MYO1B: variants seen among roughly 807,000 people sequenced by gnomAD.
MYO1B encodes unconventional myosin-Ib.
Under a neutral mutation model 159.7 loss-of-function variants are expected in MYO1B, and 72 were observed. The observed-to-expected ratio is 0.45, with a 90% CI of 0.37 to 0.55. The LOEUF (loss-of-function observed/expected upper bound fraction) is 0.55, where lower values mean the gene tolerates loss of function less well. Among genes scored for constraint, MYO1B ranks in the 20% least tolerant of loss-of-function variants. The probability of loss-of-function intolerance (pLI) is 0.00; values close to 1 mark genes in which losing one functional copy is unlikely to be tolerated. For missense variants in MYO1B, 1,062 were observed against 1,364.8 expected (o/e 0.78, Z 3.50); for synonymous variants, 468 against 473.8 (o/e 0.99, Z 0.16).
At chr2:191,398,432 C>T (rs1381533684) in intron 21 of MYO1B, among the ~76,000 whole-genome samples, 2 of 145,174 alleles carry the variant, frequency 1.4e-5, no homozygotes, top group African/African-American at 5.0e-5. Context: ...GACCCCCCCC[C>T]ACCTCCCTCC....
At chr2:191,260,759 TATCTTTAAGAGCCAAGTTATAGA>T (rs140597962) in intron 1 of MYO1B, among the ~76,000 whole-genome samples, 10,248 of 152,232 alleles carry the variant, frequency 0.067, 1,105 homozygotes, top group African/African-American at 0.23. Context: ...TTATTCTTTC[TATCTTTAAGAGCCAAGTTATAGA>T]ATGACATGTG....
chr2:191,272,777 G>A (rs1413430401), intron 1 of MYO1B, among the ~76,000 whole-genome samples: 1 of 151,996 alleles, frequency 6.6e-6, no homozygotes, highest in Non-Finnish European at 1.5e-5. Flanking sequence ...AGATACCACG[G>A]GCCATGGTTT....
At chr2:191,364,300 C>G in intron 11 of MYO1B, 24 bp downstream of exon 11, 1 of 1,552,618 alleles carries the variant, frequency 6.4e-7, no homozygotes, top group African/African-American at 1.4e-5. Context: ...AATGTACAGA[C>G]GAAAGTTTCT....
intron 30 of MYO1B, among the ~76,000 whole-genome samples, chr2:191,419,259 C>T (rs555999224): frequency 1.1e-3 from 165 of 152,068 alleles, no homozygotes; most frequent in Non-Finnish European, 1.5e-3. Flanking sequence ...TGCACTGTTG[C>T]CCAGGCTGGA....
rs1448779938 is a variant in MYO1B, at chr2:191,424,250, T to C, written c.*290T>C. The C allele has an allele frequency of 9.2e-6, 3 of 326,892 alleles. No homozygotes were observed. The highest frequency in any genetic ancestry group is 1.7e-5 in the Non-Finnish European group (3 of 179,382). 20.2% of individuals were successfully genotyped at this position (326,892 alleles called of 1,614,324 possible). On this transcript the variant is annotated 3_prime_UTR_variant, in exon 31 of 31. Coordinates refer to ENST00000392318, the MANE Select transcript of MYO1B (RefSeq NM_001130158.3). ...GTCTGTGTACCCTAAATCAGCATAT[T>C]ACTCATAAATCATTAATTAATATAA...
chr2:191,372,814 A>G (rs561136022), intron 13 of MYO1B, among the ~76,000 whole-genome samples: 1 of 149,058 alleles, frequency 6.7e-6, no homozygotes, highest in Non-Finnish European at 1.5e-5. Context: ...AAGTTATACC[A>G]TCATTTTTCT....
At chr2:191,275,802 T>G (rs1022760272) in intron 1 of MYO1B, among the ~76,000 whole-genome samples, 2 of 152,218 alleles carry the variant, frequency 1.3e-5, no homozygotes, top group Admixed American at 1.3e-4. Context: ...GAATTTAGTT[T>G]TACCATTTTA....
At chr2:191,348,920 C>G (rs1692741967) in intron 6 of MYO1B, among the ~76,000 whole-genome samples, 1 of 152,218 alleles carries the variant, frequency 6.6e-6, no homozygotes, top group African/African-American at 2.4e-5. Flanking sequence ...TTGTTTCCCA[C>G]TCATCCTCAC....
chr2:191,338,579 T>A (rs1692006074), intron 4 of MYO1B, among the ~76,000 whole-genome samples: 1 of 152,088 alleles, frequency 6.6e-6, no homozygotes, highest in Non-Finnish European at 1.5e-5. Context: ...ATTAAAAAGG[T>A]CTCTGAGAGG....
intron 30 of MYO1B, among the ~76,000 whole-genome samples, chr2:191,416,663 A>T (rs1193282006): frequency 6.6e-6 from 1 of 152,068 alleles, no homozygotes; most frequent in Admixed American, 6.5e-5. Flanking sequence ...ATACAAAAAA[A>T]ATTAGCTGGG....
At chr2:191,263,988 T>C (rs1686971840) in intron 1 of MYO1B, among the ~76,000 whole-genome samples, 1 of 152,230 alleles carries the variant, frequency 6.6e-6, no homozygotes, top group African/African-American at 2.4e-5. Context: ...TTGTTCTTCA[T>C]AAATACTTCA....
rs551950059 is a variant in MYO1B, at chr2:191,311,191, A to G, written c.251+14965A>G. ...TATAGATGACTTAGCCTGCTTTCAC[A>G]TAAATTTAACAAGAGAGGAATAAGT... On this transcript the variant is annotated intron_variant, in intron 3 of 30. Coordinates refer to ENST00000392318, the MANE Select transcript of MYO1B (RefSeq NM_001130158.3). Among the ~76,000 whole-genome samples the G allele has an allele frequency of 1.8e-3, 280 of 152,298 alleles. 1 individual carries two copies. Among genetic ancestry groups the G allele is most frequent in the African/African-American group, 6.0e-3 (249 of 41,572 alleles).
intron 1 of MYO1B, among the ~76,000 whole-genome samples, chr2:191,266,885 C>T (rs560496506): frequency 3.2e-4 from 48 of 152,214 alleles, no homozygotes; most frequent in Non-Finnish European, 5.3e-4. Context: ...TCACTTTACA[C>T]AGTTGGGAAA....
At chr2:191,381,211 C>CT (rs1695021709) in intron 13 of MYO1B, 2 of 501,484 alleles carry the variant, frequency 4.0e-6, no homozygotes, top group South Asian at 4.2e-5. Flanking sequence ...GGGTGCTTCT[C>CT]TGTCAACTAA....
At chr2:191,349,593 A>G (rs966462611) in intron 6 of MYO1B, among the ~76,000 whole-genome samples, 1 of 152,238 alleles carries the variant, frequency 6.6e-6, no homozygotes, top group African/African-American at 2.4e-5. Context: ...TGTAAAATGA[A>G]CCTGCGTTAT....
intron 30 of MYO1B, chr2:191,416,656 C>CA (rs1240977463): frequency 5.8e-5 from 9 of 155,320 alleles, no homozygotes; most frequent in Admixed American, 1.3e-4. Flanking sequence ...ACTTAAAATA[C>CA]AAAAAAAATT....
chr2:191,394,460 G>A (rs1475741253), intron 20 of MYO1B, among the ~76,000 whole-genome samples: 5 of 152,208 alleles, frequency 3.3e-5, no homozygotes, highest in African/African-American at 1.2e-4. Flanking sequence ...GGATTCATCT[G>A]TCTTGAATTC....
chr2:191,257,806 G>T (rs1185544586), intron 1 of MYO1B, among the ~76,000 whole-genome samples: 2 of 152,208 alleles, frequency 1.3e-5, no homozygotes, highest in African/African-American at 4.8e-5. Flanking sequence ...GTAAAATCTA[G>T]TGGAGGACAT....
intron 2 of MYO1B, 41 bp from the exon 3 acceptor site, chr2:191,296,070 G>T (rs1357993239): frequency 1.7e-6 from 2 of 1,177,020 alleles, no homozygotes; most frequent in Non-Finnish European, 1.2e-6. Flanking sequence ...AATACATTTT[G>T]TGTACTAACT....
Sources: allele counts gnomAD v4.1 joint callset (sites outside exome capture counted in the v4.1 genomes callset), GRCh38; gene constraint gnomAD v4.1.1; transcripts MANE v1.5; gene names NCBI Gene and HGNC (gene_info 2026-07-23, HGNC 2026-07-21).